The following TMEM132D variants were observed in gnomAD, a reference collection of about 807,000 sequenced individuals.
TMEM132D encodes transmembrane protein 132D.
In TMEM132D, 21 loss-of-function variants were observed where a neutral mutation model predicts 62.3. The observed-to-expected ratio is 0.34, with a 90% CI of 0.24 to 0.49. The LOEUF (loss-of-function observed/expected upper bound fraction) is 0.49. Among genes scored for constraint, TMEM132D ranks in the 20% least tolerant of loss-of-function variants. TMEM132D has a pLI of 0.99. For synonymous variants in TMEM132D, 621 were observed against 575.6 expected, an observed-to-expected ratio of 1.08 and a Z score of -1.13; for missense variants, 1,346 against 1,402.8, an observed-to-expected ratio of 0.96 and a Z score of 0.65.
At chr12:129,084,761 G>T in intron 5 of TMEM132D, 59 bp from the exon 6 acceptor site, 1 of 1,543,548 alleles carries the variant, frequency 6.5e-7, no homozygotes, top group Non-Finnish European at 8.8e-7. Flanking sequence ...CCGTTGCATG[G>T]CCCAAGGAGG....
intron 4 of TMEM132D, among the ~76,000 whole-genome samples, chr12:129,283,986 T>G (rs1881228394): frequency 6.6e-6 from 1 of 152,250 alleles, no homozygotes; most frequent in Admixed American, 6.5e-5. Context: ...ATGAGCAGCT[T>G]CTTTCTTATT....
intron 1 of TMEM132D, among the ~76,000 whole-genome samples, chr12:129,796,817 G>A (rs1304250360): frequency 7.2e-5 from 11 of 152,072 alleles, no homozygotes; most frequent in East Asian, 3.9e-4. Flanking sequence ...ACCATGGCAC[G>A]TGTATACCTA....
Position 129,111,917 on chromosome 12 carries a change from G to A in TMEM132D, c.1444-27215C>T, listed in dbSNP as rs575586497. Among the ~76,000 whole-genome samples the A allele has an allele frequency of 1.5e-4, 23 of 152,238 alleles. 3 individuals carry two copies. Among genetic ancestry groups the A allele is most frequent in the Admixed American group, 3.3e-4 (5 of 15,292 alleles). ...GTAAGGGTACCATCCCTGGTGGCAC[G>A]GAGGTCTTGACCAGCAGTCAGGGGT... On this transcript the variant is annotated intron_variant, in intron 5 of 8. Transcript: ENST00000422113.
chr12:129,469,930 G>A (rs1874044242), intron 3 of TMEM132D, among the ~76,000 whole-genome samples: 1 of 152,152 alleles, frequency 6.6e-6, no homozygotes, highest in South Asian at 2.1e-4. Flanking sequence ...GTCTGCACTG[G>A]GGGGTCATAA....
At chr12:129,835,688 T>C (rs1181585389) in intron 1 of TMEM132D, among the ~76,000 whole-genome samples, 31 of 152,202 alleles carry the variant, frequency 2.0e-4, no homozygotes, top group Admixed American at 2.0e-3. Flanking sequence ...ATGTATAGTA[T>C]AGTTGTGTGA....
intron 3 of TMEM132D, among the ~76,000 whole-genome samples, chr12:129,444,385 T>C (rs1873032625): frequency 8.1e-6 from 1 of 123,272 alleles, no homozygotes; most frequent in African/African-American, 3.9e-5. Context: ...ATATCCAGTA[T>C]TCATAAGGAA....
chr12:129,831,927 T>G (rs1313419919), intron 1 of TMEM132D, among the ~76,000 whole-genome samples: 1 of 147,524 alleles, frequency 6.8e-6, no homozygotes. Flanking sequence ...TGGAGTGCAG[T>G]AGCACGATCT....
At chr12:129,459,912 T>TGCATAGAA in intron 3 of TMEM132D, among the ~76,000 whole-genome samples, 1 of 152,340 alleles carries the variant, frequency 6.6e-6, no homozygotes, top group East Asian at 1.9e-4. Context: ...TTAGCAGTGA[T>TGCATAGAA]GCATAGAAGC....
intron 3 of TMEM132D, among the ~76,000 whole-genome samples, chr12:129,520,206 C>T (rs12422773): frequency 0.14 from 20,881 of 152,108 alleles, 1,690 homozygotes; most frequent in Admixed American, 0.26. Flanking sequence ...TCCAACTGTG[C>T]GTTTAGCTGG....
chr12:129,211,407 AG>A (rs1879043474), intron 4 of TMEM132D, among the ~76,000 whole-genome samples: 1 of 152,198 alleles, frequency 6.6e-6, no homozygotes, highest in Admixed American at 6.5e-5. Flanking sequence ...CGAGCTCAGT[AG>A]GGCTGTATCT....
chr12:129,466,430 C>T (rs1423744912), intron 3 of TMEM132D, among the ~76,000 whole-genome samples: 2 of 151,852 alleles, frequency 1.3e-5, no homozygotes, highest in Admixed American at 6.6e-5. Context: ...TCCCCGCCCC[C>T]GTCCTAAGCC....
chr12:129,490,044 C>T (rs1327392145), intron 3 of TMEM132D, among the ~76,000 whole-genome samples: 2 of 152,204 alleles, frequency 1.3e-5, no homozygotes, highest in South Asian at 2.1e-4. Flanking sequence ...TTAAAATGCT[C>T]TGGGCTTAAC....
intron 5 of TMEM132D, among the ~76,000 whole-genome samples, chr12:129,182,140 T>A (rs757687208): frequency 4.6e-5 from 7 of 152,042 alleles, no homozygotes; most frequent in Non-Finnish European, 1.0e-4. Context: ...GGTGAGTGGA[T>A]CACCTGGGGT....
intron 3 of TMEM132D, among the ~76,000 whole-genome samples, chr12:129,412,920 A>T (rs1170717555): frequency 6.6e-6 from 1 of 152,196 alleles, no homozygotes; most frequent in Non-Finnish European, 1.5e-5. Flanking sequence ...GGAAAGGCAG[A>T]GCCAACCTCC....
At chr12:129,235,074 C>G (rs1192255284) in intron 4 of TMEM132D, among the ~76,000 whole-genome samples, 1 of 152,196 alleles carries the variant, frequency 6.6e-6, no homozygotes, top group Admixed American at 6.5e-5. Context: ...TACTCTCATT[C>G]TATCTTTGAG....
rs771547895 is a variant in TMEM132D, at chr12:129,700,066, C to T, written c.712G>A (p.Asp238Asn). 1.9e-6 allele frequency: 3 copies of T among 1,613,800 alleles called. No individual in the cohort carries two copies. The South Asian group carries it at 3.3e-5, about 18-fold the overall frequency. The part of the protein sequence containing the change: ...YTVHPGGERG[D>N]CVREDARRSN... ...CTCCTCGCGTCTTCCCTGACGCAGT[C>T]CCCTCTCTCACCCCCTGGGTGCACG... The change falls in exon 2 of 9, where the codon GAC becomes AAC. Residue 238 changes from aspartate (D) to asparagine (N), a missense_variant. Coordinates refer to ENST00000422113, the MANE Select transcript of TMEM132D (RefSeq NM_133448.3).
intron 4 of TMEM132D, among the ~76,000 whole-genome samples, chr12:129,228,434 C>T (rs1185067029): frequency 1.3e-5 from 2 of 152,100 alleles, no homozygotes; most frequent in East Asian, 3.9e-4. Flanking sequence ...GTCACAGATA[C>T]GTGCAGTATT....
chr12:129,539,467 C>G (rs1388612615), intron 2 of TMEM132D, among the ~76,000 whole-genome samples: 1 of 149,222 alleles, frequency 6.7e-6, no homozygotes, highest in Non-Finnish European at 1.5e-5. Context: ...TGCAATGGCG[C>G]GATCTCAGCT....
At chr12:129,562,797 C>T (rs962253173) in intron 2 of TMEM132D, among the ~76,000 whole-genome samples, 4 of 152,114 alleles carry the variant, frequency 2.6e-5, no homozygotes, top group Admixed American at 1.3e-4. Flanking sequence ...AGAATATCCT[C>T]CCAACCTTCG....
Sources: allele counts gnomAD v4.1 joint callset (sites outside exome capture counted in the v4.1 genomes callset), GRCh38; gene constraint gnomAD v4.1.1; transcripts MANE v1.5; gene names NCBI Gene and HGNC (gene_info 2026-07-23, HGNC 2026-07-21).